ITIH5: variants seen among roughly 807,000 people sequenced by gnomAD.
ITIH5 encodes the protein inter-alpha-trypsin inhibitor heavy chain 5.
A neutral mutation model predicts 77.5 loss-of-function variants in ITIH5; 65 were observed. The ratio of observed to expected loss-of-function variants is 0.84; its 90% confidence interval spans 0.69 to 1.03. ITIH5 has a LOEUF of 1.03. Ranked by LOEUF, ITIH5 falls within the 50% of genes least tolerant of loss-of-function variation. The pLI is 0.00. For synonymous variants in ITIH5, 525 were observed against 494.3 expected (o/e 1.06, Z -0.82); for missense variants, 1,208 against 1,213.1 (o/e 1.00, Z 0.06).
At chr10:7,621,927 A>G (rs934536909) in intron 5 of ITIH5, 2 of 152,208 alleles carry the variant, frequency 1.3e-5, no homozygotes, top group African/African-American at 4.8e-5. Context: ...AAGAGGAAGA[A>G]TCTGACCCAC....
chr10:7,565,395 T>C (rs111068234), intron 13 of ITIH5, among the ~76,000 whole-genome samples: 1,771 of 147,206 alleles, frequency 0.012, 26 homozygotes, highest in African/African-American at 0.044. Context: ...TACACACATA[T>C]CATGCACACA....
At chr10:7,609,490 A>T (rs1312579338) in intron 7 of ITIH5, 7 of 456,610 alleles carry the variant, frequency 1.5e-5, no homozygotes, top group Non-Finnish European at 3.1e-5. Context: ...GGAGAAACCA[A>T]TGTCCTAGAG....
chr10:7,566,763 GA>G lies in ITIH5; in HGVS notation c.2150-357del, dbSNP rs1322621515. Reference sequence around the variant, plus strand: ...AAAAGAAGAAGAAGAAGAAGAAGAAGAAAGAAGAAAGAAGAAAGAAGAAAGA... The same window carrying G: ...AAAAGAAGAAGAAGAAGAAGAAGAAGAAGAAGAAAGAAGAAAGAAGAAAGA... On this transcript the variant is annotated intron_variant, in intron 12 of 13. Coordinates refer to ENST00000397146, the MANE Select transcript of ITIH5 (RefSeq NM_030569.7). 3.2e-3 allele frequency among the ~76,000 whole-genome samples: 71 copies of G among 22,244 alleles called. 11 individuals are homozygous for G. The highest frequency in any genetic ancestry group is 0.011 in the African/African-American group (62 of 5,476). 14.6% of individuals were successfully genotyped at this position (22,244 alleles called of 152,430 possible). A position where few individuals can be genotyped will look rare whatever the true frequency, so the allele number is the denominator to read the frequency against.
chr10:7,582,567 A>G (rs1832587707), intron 8 of ITIH5, among the ~76,000 whole-genome samples: 1 of 152,264 alleles, frequency 6.6e-6, no homozygotes, highest in Non-Finnish European at 1.5e-5. Context: ...CATCACCACC[A>G]TCCATCATCC....
chr10:7,624,587 G>C (rs1000543445), intron 5 of ITIH5, among the ~76,000 whole-genome samples: 1 of 151,376 alleles, frequency 6.6e-6, no homozygotes, highest in Non-Finnish European at 1.5e-5. Flanking sequence ...GGAGGCCAAG[G>C]GGGGCAGATC....
At chr10:7,627,694 ACAGAGAACAGC>A (rs1833606936) in intron 5 of ITIH5, among the ~76,000 whole-genome samples, 1 of 152,168 alleles carries the variant, frequency 6.6e-6, no homozygotes, top group African/African-American at 2.4e-5. Context: ...TGAAGCACCC[ACAGAGAACAGC>A]CAGAGAACAC....
intron 1 of ITIH5, 97 bp from the exon 2 acceptor site, chr10:7,655,772 G>A: frequency 1.1e-6 from 1 of 926,170 alleles, no homozygotes; most frequent in South Asian, 1.4e-5. Context: ...TATACAAGGG[G>A]GTTAAAATCT....
At chr10:7,572,907 A>G (rs1388421140) in intron 11 of ITIH5, 2 of 399,160 alleles carry the variant, frequency 5.0e-6, no homozygotes, top group Non-Finnish European at 9.1e-6. Flanking sequence ...CCTCCCCAGT[A>G]GCTGGAACTA....
rs567516777 is a variant in ITIH5, at chr10:7,599,905, C to T, written c.940-13836G>A. 2.6e-4 allele frequency among the ~76,000 whole-genome samples: 40 copies of T among 152,184 alleles called. No homozygotes were observed. In the South Asian group the frequency reaches 6.4e-3, roughly 24 times the overall value. ...ATCTTCCCAGACTCTTAGTTAAGGT[C>T]GCCAATGAGACTGGAGACGGAGATT... On this transcript the variant is annotated intron_variant, in intron 7 of 13. Transcript: ENST00000397146.
At chr10:7,572,182 C>T in intron 11 of ITIH5, 3 of 1,198,854 alleles carry the variant, frequency 2.5e-6, no homozygotes, top group Non-Finnish European at 3.2e-6. Flanking sequence ...ATCCACAGCT[C>T]ATCTCCGGGA....
At chr10:7,655,223 A>C (rs969947024) in intron 2 of ITIH5, among the ~76,000 whole-genome samples, 1 of 152,194 alleles carries the variant, frequency 6.6e-6, no homozygotes, top group African/African-American at 2.4e-5. Flanking sequence ...CTTAGCCTCC[A>C]GCAGCATTGA....
rs1833811164 is a variant in ITIH5 at position 7,637,161 on chromosome 10, T to C, written c.652+67A>G. The C allele has an allele frequency of 2.6e-6, 4 of 1,544,388 alleles. No individual in the cohort carries two copies. In the Admixed American group the frequency reaches 5.4e-5, roughly 21 times the overall value. ...AAGGGTGCCATCTCTTGCAGATTTC[T>C]CCGAAGCCAAGGACCAGCTGGGTGT... On this transcript the variant is annotated intron_variant, in intron 5 of 13. Transcript: ENST00000397146.
intron 7 of ITIH5, among the ~76,000 whole-genome samples, chr10:7,595,956 C>T (rs1340781015): frequency 2.6e-5 from 4 of 152,002 alleles, no homozygotes; most frequent in African/African-American, 7.3e-5. Flanking sequence ...TGCAGTGAGC[C>T]GAGATCACGC....
intron 8 of ITIH5, 32 bp downstream of exon 8, chr10:7,585,869 A>C (rs376734158): frequency 1.2e-5 from 18 of 1,532,506 alleles, no homozygotes; most frequent in Non-Finnish European, 1.6e-5. Flanking sequence ...TTTCAAAGCC[A>C]AGCCAATGTG....
At chr10:7,586,957 A>T (rs1271395445) in intron 7 of ITIH5, among the ~76,000 whole-genome samples, 1 of 152,052 alleles carries the variant, frequency 6.6e-6, no homozygotes, top group Non-Finnish European at 1.5e-5. Context: ...CAGCTTCCTG[A>T]GTAGCTGGGA....
chr10:7,644,821 T>C (rs200935433), intron 2 of ITIH5, among the ~76,000 whole-genome samples: 5,452 of 93,350 alleles, frequency 0.058, 255 homozygotes, highest in South Asian at 0.092. Context: ...ATATATATCA[T>C]ATATATCACA....
intron 5 of ITIH5, among the ~76,000 whole-genome samples, chr10:7,624,333 C>A (rs1407440078): frequency 2.0e-5 from 3 of 150,976 alleles, no homozygotes; most frequent in East Asian, 3.9e-4. Context: ...CATGGAGAAA[C>A]CCCGTCTCTA....
intron 7 of ITIH5, among the ~76,000 whole-genome samples, chr10:7,598,338 T>G (rs112099949): frequency 0.015 from 2,243 of 152,328 alleles, 55 homozygotes; most frequent in African/African-American, 0.051. Context: ...AAATATTTTT[T>G]GGAGAAATGG....
intron 4 of ITIH5, among the ~76,000 whole-genome samples, chr10:7,640,413 G>A (rs1833865640): frequency 6.6e-6 from 1 of 150,850 alleles, no homozygotes; most frequent in South Asian, 2.1e-4. Flanking sequence ...GGAGGTTGAG[G>A]CTGCAGTGAG....
Sources: allele counts gnomAD v4.1 joint callset (sites outside exome capture counted in the v4.1 genomes callset), GRCh38; gene constraint gnomAD v4.1.1; transcripts MANE v1.5; gene names NCBI Gene and HGNC (gene_info 2026-07-23, HGNC 2026-07-21).